CAMK2D: variants seen among roughly 807,000 people sequenced by gnomAD.
CAMK2D encodes calcium/calmodulin-dependent protein kinase type II subunit delta.
Under a neutral mutation model 84.0 loss-of-function variants are expected in CAMK2D, and 37 were observed. That is an observed-to-expected ratio of 0.44 (90% CI 0.34 to 0.58). The LOEUF is 0.58. Among genes scored for constraint, CAMK2D ranks in the 20% least tolerant of loss-of-function variants. The pLI is 0.02. For missense variants in CAMK2D, 448 were observed against 652.5 expected, an observed-to-expected ratio of 0.69 and a Z score of 3.41; for synonymous variants, 202 against 212.5, an observed-to-expected ratio of 0.95 and a Z score of 0.43.
At chr4:113,754,377 G>T (rs896070256) in intron 2 of CAMK2D, 1 of 981,128 alleles carries the variant, frequency 1.0e-6, no homozygotes, top group Non-Finnish European at 1.2e-6. Flanking sequence ...TAACAAAAAA[G>T]TTAGATGCCC....
At chr4:113,509,742 A>G in intron 12 of CAMK2D, 67 bp from the exon 13 acceptor site, 1 of 1,168,428 alleles carries the variant, frequency 8.6e-7, no homozygotes, top group South Asian at 1.2e-5. Context: ...ACAACAAAGC[A>G]GTCAGGTTAT....
chr4:113,588,437 C>T (rs2154249411), intron 4 of CAMK2D, among the ~76,000 whole-genome samples: 1 of 152,262 alleles, frequency 6.6e-6, no homozygotes, highest in South Asian at 2.1e-4. Flanking sequence ...ACCATACAGG[C>T]ATAACTATTT....
At chr4:113,607,570 T>C (rs1383674535) in intron 4 of CAMK2D, among the ~76,000 whole-genome samples, 9 of 152,062 alleles carry the variant, frequency 5.9e-5, no homozygotes, top group Non-Finnish European at 1.2e-4. Context: ...TTCCTTCTCC[T>C]GGACAATGAG....
intron 3 of CAMK2D, among the ~76,000 whole-genome samples, chr4:113,627,238 G>A (rs745427572): frequency 3.9e-5 from 6 of 152,110 alleles, no homozygotes; most frequent in Non-Finnish European, 8.8e-5. Flanking sequence ...TCCTCTATAA[G>A]TGAAGGTTAA....
At chr4:113,517,962 A>G (rs766603718) in intron 8 of CAMK2D, among the ~76,000 whole-genome samples, 2 of 152,176 alleles carry the variant, frequency 1.3e-5, no homozygotes, top group Non-Finnish European at 2.9e-5. Context: ...ACTCTTGTCT[A>G]TAGAGGGTCT....
chr4:113,532,997 T>C (rs1489220926), intron 7 of CAMK2D, among the ~76,000 whole-genome samples: 1 of 152,074 alleles, frequency 6.6e-6, no homozygotes, highest in Non-Finnish European at 1.5e-5. Context: ...ATACAATCTG[T>C]ACTCTTCTGT....
intron 2 of CAMK2D, among the ~76,000 whole-genome samples, chr4:113,723,528 T>C (rs1189059989): frequency 6.6e-6 from 1 of 152,158 alleles, no homozygotes; most frequent in Non-Finnish European, 1.5e-5. Context: ...CCGGCCACTT[T>C]ACTAAAAATA....
rs185115499 is a variant in CAMK2D, at chr4:113,514,269, C to T, written c.820-356G>A. ...CTCTACTAAAAATACAAAAATTAGC[C>T]GGGCGTGGTGGTGGGCACCTGTAAT... On this transcript the variant is annotated intron_variant, in intron 10 of 20. Coordinates refer to ENST00000511664, the MANE Select transcript of CAMK2D (RefSeq NM_001321571.2). 9.2e-5 allele frequency among the ~76,000 whole-genome samples: 14 copies of T among 152,122 alleles called. No homozygotes were observed. In the East Asian group the frequency reaches 1.7e-3, roughly 19 times the overall value.
chr4:113,601,351 TA>T (rs1454409141), intron 4 of CAMK2D, among the ~76,000 whole-genome samples: 1 of 152,092 alleles, frequency 6.6e-6, no homozygotes, highest in Admixed American at 6.6e-5. Context: ...TGTTCTTCCT[TA>T]AAAAATATAA....
chr4:113,613,096 G>T (rs1343585420), intron 3 of CAMK2D, among the ~76,000 whole-genome samples: 2 of 152,012 alleles, frequency 1.3e-5, no homozygotes, highest in African/African-American at 4.8e-5. Flanking sequence ...TTCACTTAAG[G>T]GGTTAAAAGA....
intron 16 of CAMK2D, among the ~76,000 whole-genome samples, chr4:113,470,737 A>G (rs2097538011): frequency 6.6e-6 from 1 of 152,230 alleles, no homozygotes; most frequent in Non-Finnish European, 1.5e-5. Flanking sequence ...GATTTTTAAA[A>G]GCACTTAGTA....
chr4:113,483,357 C>G (rs1217922726), intron 16 of CAMK2D, among the ~76,000 whole-genome samples: 1 of 151,552 alleles, frequency 6.6e-6, no homozygotes, highest in Non-Finnish European at 1.5e-5. Flanking sequence ...TTACATTCAT[C>G]TGAAGCATTC....
intron 2 of CAMK2D, among the ~76,000 whole-genome samples, chr4:113,679,034 T>C (rs1158545171): frequency 3.3e-5 from 5 of 152,294 alleles, no homozygotes; most frequent in South Asian, 2.1e-4. Flanking sequence ...TTTTATATAA[T>C]ACTTTATGTA....
intron 8 of CAMK2D, among the ~76,000 whole-genome samples, chr4:113,527,722 A>G (rs1330391040): frequency 6.6e-6 from 1 of 152,076 alleles, no homozygotes; most frequent in Non-Finnish European, 1.5e-5. Context: ...TATACATTAT[A>G]AAAAAAGGTT....
chr4:113,647,605 G>A (rs1044234998), intron 3 of CAMK2D, among the ~76,000 whole-genome samples: 4 of 152,220 alleles, frequency 2.6e-5, no homozygotes, highest in Non-Finnish European at 1.5e-5. Context: ...TGCCAGAATG[G>A]CACCCACAAC....
rs541461262 is a variant in CAMK2D at position 113,682,542 on chromosome 4, C to T, written c.161-20770G>A. ...TTCAGTACCATTCAGACTTCAACTT[C>T]TGTTCAAGACTGAAAAAAACTGTAA... On this transcript the variant is annotated intron_variant, in intron 2 of 20. Coordinates refer to ENST00000511664, the MANE Select transcript of CAMK2D (RefSeq NM_001321571.2). Among the ~76,000 whole-genome samples, 10 of 152,122 alleles carry T rather than the reference C, an allele frequency of 6.6e-5. 1 individual carries two copies. The South Asian group carries it at 2.1e-3, about 32-fold the overall frequency.
rs189204219 is a variant in CAMK2D, at chr4:113,651,058, A to C, written c.220+10655T>G. ...GGAGACTGAATTATAAAAACTACTG[A>C]ACTTCAACAGTGTGAGCAAAATCTT... is the stretch of plus-strand genomic sequence containing the variant. On this transcript the variant is annotated intron_variant, in intron 3 of 20. Coordinates refer to ENST00000511664, the MANE Select transcript of CAMK2D (RefSeq NM_001321571.2). Among the ~76,000 whole-genome samples, 316 of 152,314 alleles carry C rather than the reference A, an allele frequency of 2.1e-3. 1 individual carries two copies. The highest frequency in any genetic ancestry group is 2.7e-3 in the Non-Finnish European group (185 of 68,004).
intron 3 of CAMK2D, among the ~76,000 whole-genome samples, chr4:113,647,840 A>T (rs1337245717): frequency 6.6e-6 from 1 of 152,242 alleles, no homozygotes; most frequent in South Asian, 2.1e-4. Flanking sequence ...GCAGATTTAT[A>T]TAAGAAATAT....
intron 2 of CAMK2D, among the ~76,000 whole-genome samples, chr4:113,685,690 T>C (rs1309913595): frequency 1.3e-5 from 2 of 152,214 alleles, no homozygotes; most frequent in African/African-American, 2.4e-5. Flanking sequence ...ATGTAATTAA[T>C]TGATGCTATA....
Sources: allele counts gnomAD v4.1 joint callset (sites outside exome capture counted in the v4.1 genomes callset), GRCh38; gene constraint gnomAD v4.1.1; transcripts MANE v1.5; gene names NCBI Gene and HGNC (gene_info 2026-07-23, HGNC 2026-07-21).